Variants in MTSS1 observed in about 807,000 individuals in gnomAD.
MTSS1 encodes MTSS I-BAR domain containing 1.
Under a neutral mutation model 79.0 loss-of-function variants are expected in MTSS1, and 18 were observed. That is an observed-to-expected ratio of 0.23 (90% CI 0.16 to 0.34). MTSS1 has a LOEUF of 0.34. MTSS1 is among the 10% of genes least tolerant of loss of function. MTSS1 has a pLI of 1.00. For synonymous variants in MTSS1, 341 were observed against 368.6 expected (o/e 0.93, Z 0.86); for missense variants, 815 against 986.2 (o/e 0.83, Z 2.33).
At chr8:124,607,594 G>A (rs1373396847) in intron 3 of MTSS1, among the ~76,000 whole-genome samples, 1 of 152,166 alleles carries the variant, frequency 6.6e-6, no homozygotes, top group Admixed American at 6.5e-5. Flanking sequence ...ACCGTGACAC[G>A]ACCAAAGTGC....
Position 124,552,812 on chromosome 8 carries a change from A to G in MTSS1, c.*180T>C. The G allele has an allele frequency of 1.8e-6, 1 of 552,310 alleles. No homozygotes were observed. The highest frequency in any genetic ancestry group is 3.1e-6 in the Non-Finnish European group (1 of 318,548). The allele number at this position is 552,310 out of a possible 1,614,324, so 34.2% of individuals were successfully genotyped here. On this transcript the variant is annotated 3_prime_UTR_variant, in exon 14 of 14. Coordinates refer to ENST00000518547, the MANE Select transcript of MTSS1 (RefSeq NM_014751.6). ...AATATTTACAAATTAAAAGATCAAG[A>G]TTATGTCAGTTACATAGGTTGGTTT...
chr8:124,640,886 A>ACACCATCCCCT, intron 3 of MTSS1, among the ~76,000 whole-genome samples: 1 of 152,140 alleles, frequency 6.6e-6, no homozygotes, highest in Non-Finnish European at 1.5e-5. Context: ...CTTTATTTAT[A>ACACCATCCCCT]CTGATTGTCT....
chr8:124,552,935 C>A lies in MTSS1; in HGVS notation c.*57G>T. 1 of 1,541,254 alleles carries A rather than the reference C, an allele frequency of 6.5e-7. No individual in the cohort carries two copies. The highest frequency in any genetic ancestry group is 8.9e-7 in the Non-Finnish European group (1 of 1,128,840). ...TATTATAGAGTGGAATGGATCAAGACAAATTAGGTTTTATTAATGAAACAG... is the reference window on the plus strand; with the variant it reads ...TATTATAGAGTGGAATGGATCAAGAAAAATTAGGTTTTATTAATGAAACAG... On this transcript the variant is annotated 3_prime_UTR_variant, in exon 14 of 14. Coordinates refer to ENST00000518547, the MANE Select transcript of MTSS1 (RefSeq NM_014751.6).
intron 3 of MTSS1, among the ~76,000 whole-genome samples, chr8:124,673,832 C>G (rs1046556812): frequency 6.6e-6 from 1 of 152,160 alleles, no homozygotes; most frequent in Non-Finnish European, 1.5e-5. Flanking sequence ...AACCAACAGC[C>G]AGATCTACCT....
At chr8:124,687,317 A>C (rs1326799019) in intron 3 of MTSS1, among the ~76,000 whole-genome samples, 1 of 152,070 alleles carries the variant, frequency 6.6e-6, no homozygotes, top group Non-Finnish European at 1.5e-5. Flanking sequence ...CCACTGCAGG[A>C]GGTTGGGTGG....
intron 6 of MTSS1, among the ~76,000 whole-genome samples, chr8:124,571,834 C>G (rs898432629): frequency 6.6e-6 from 1 of 152,150 alleles, no homozygotes; most frequent in East Asian, 1.9e-4. Context: ...TGTGGTGGCA[C>G]ACGCCTGTAG....
intron 5 of MTSS1, 59 bp downstream of exon 5, chr8:124,589,561 G>C: frequency 1.4e-6 from 2 of 1,399,184 alleles, no homozygotes; most frequent in South Asian, 2.5e-5. Flanking sequence ...GCAGCAGCTG[G>C]CAACTTCCCA....
chr8:124,584,413 A>G (rs1430846222), intron 6 of MTSS1, among the ~76,000 whole-genome samples: 1 of 152,238 alleles, frequency 6.6e-6, no homozygotes, highest in African/African-American at 2.4e-5. Flanking sequence ...AGGTGGTAGT[A>G]AAATGTCACA....
chr8:124,634,492 T>C (rs1362083585), intron 3 of MTSS1, among the ~76,000 whole-genome samples: 1 of 152,090 alleles, frequency 6.6e-6, no homozygotes, highest in Non-Finnish European at 1.5e-5. Context: ...ATTTGCCCCA[T>C]GTTTCCACAT....
chr8:124,694,696 AC>A (rs1415587213), intron 3 of MTSS1, among the ~76,000 whole-genome samples: 5 of 152,080 alleles, frequency 3.3e-5, no homozygotes, highest in African/African-American at 1.2e-4. Context: ...AGTAGCCCAG[AC>A]AAATGCATGC....
intron 3 of MTSS1, among the ~76,000 whole-genome samples, chr8:124,661,322 G>C (rs576580572): frequency 2.5e-4 from 38 of 151,540 alleles, no homozygotes; most frequent in African/African-American, 7.7e-4. Context: ...TTTTCTTCTA[G>C]GTTTTTTTTT....
chr8:124,619,114 T>C (rs1812962537), intron 3 of MTSS1, among the ~76,000 whole-genome samples: 1 of 152,242 alleles, frequency 6.6e-6, no homozygotes, highest in African/African-American at 2.4e-5. Flanking sequence ...AGTGTTCTTT[T>C]AAACTGGCAT....
chr8:124,649,425 G>C (rs1171699997), intron 3 of MTSS1, among the ~76,000 whole-genome samples: 1 of 152,168 alleles, frequency 6.6e-6, no homozygotes, highest in Non-Finnish European at 1.5e-5. Flanking sequence ...GGGGCGCTGA[G>C]ATGGGAGCTA....
intron 3 of MTSS1, among the ~76,000 whole-genome samples, chr8:124,610,150 C>G (rs1172124743): frequency 6.6e-6 from 1 of 152,220 alleles, no homozygotes; most frequent in East Asian, 1.9e-4. Flanking sequence ...TGAGCACCTA[C>G]TATGTGCAAG....
Position 124,674,458 on chromosome 8 carries a change from G to A in MTSS1, c.208+25068C>T, listed in dbSNP as rs116658566. ...GCCTCCTGGTGCAAGCAATTCTCCT[G>A]TCTCAGCCTCCCAAGTACCTGGGAT... On this transcript the variant is annotated intron_variant, in intron 3 of 13. Coordinates refer to ENST00000518547, the MANE Select transcript of MTSS1 (RefSeq NM_014751.6). Among the ~76,000 whole-genome samples the A allele has an allele frequency of 8.7e-3, 1,327 of 152,242 alleles. 26 individuals carry two copies. Among genetic ancestry groups the A allele is most frequent in the African/African-American group, 0.031 (1,270 of 41,546 alleles).
At chr8:124,615,883 C>G (rs966517686) in intron 3 of MTSS1, among the ~76,000 whole-genome samples, 1 of 152,202 alleles carries the variant, frequency 6.6e-6, no homozygotes, top group African/African-American at 2.4e-5. Flanking sequence ...TTCAGGATCA[C>G]AGGAGGAAGG....
chr8:124,670,377 C>CACCCCACACAGCCTGGCGGT (rs1823910909), intron 3 of MTSS1, among the ~76,000 whole-genome samples: 1 of 110,278 alleles, frequency 9.1e-6, no homozygotes, highest in Non-Finnish European at 1.7e-5. Flanking sequence ...AGGCGGGCGG[C>CACCCCACACAGCCTGGCGGT]ACCCCACACA....
At chr8:124,710,589 G>A (rs1473717092) in intron 1 of MTSS1, among the ~76,000 whole-genome samples, 7 of 152,198 alleles carry the variant, frequency 4.6e-5, no homozygotes, top group East Asian at 1.9e-4. Flanking sequence ...CACAGCAATC[G>A]GCCAACAGCC....
intron 3 of MTSS1, among the ~76,000 whole-genome samples, chr8:124,596,847 T>A (rs142494575): frequency 6.6e-5 from 10 of 152,256 alleles, no homozygotes; most frequent in Non-Finnish European, 1.5e-4. Flanking sequence ...TGTGTGTCCA[T>A]CTTCCCATAA....
Sources: allele counts gnomAD v4.1 joint callset (sites outside exome capture counted in the v4.1 genomes callset), GRCh38; gene constraint gnomAD v4.1.1; transcripts MANE v1.5; gene names NCBI Gene and HGNC (gene_info 2026-07-23, HGNC 2026-07-21).